Variants in SOX5 observed in about 807,000 individuals in gnomAD.
SOX5 encodes the protein transcription factor SOX-5.
SOX5 carries 9 observed loss-of-function variants against 92.0 expected under a neutral mutation model. The ratio of observed to expected loss-of-function variants is 0.10; its 90% CI spans 0.06 to 0.17. The LOEUF is 0.17. SOX5 is among the 10% of genes least tolerant of loss of function. The pLI is 1.00. For synonymous variants in SOX5, 344 were observed against 336.3 expected (o/e 1.02, Z -0.25); for missense variants, 642 against 944.5 (o/e 0.68, Z 4.20).
At chr12:23,602,396 G>T (rs887910832) in intron 9 of SOX5, among the ~76,000 whole-genome samples, 5 of 152,088 alleles carry the variant, frequency 3.3e-5, no homozygotes, top group African/African-American at 1.2e-4. Context: ...TGTAGCGACT[G>T]CTCAATAAAC....
intron 11 of SOX5, among the ~76,000 whole-genome samples, chr12:23,562,195 G>A (rs1218033347): frequency 2.0e-5 from 3 of 152,066 alleles, no homozygotes; most frequent in African/African-American, 4.8e-5. Context: ...TGTATACTGA[G>A]CTATCCTTTG....
At chr12:24,093,592 T>C (rs1944941707) in intron 4 of SOX5, among the ~76,000 whole-genome samples, 1 of 151,818 alleles carries the variant, frequency 6.6e-6, no homozygotes, top group South Asian at 2.1e-4. Flanking sequence ...AAAAGTTTCA[T>C]CATATCAAAG....
chr12:24,144,111 G>C (rs1950848334), intron 4 of SOX5, among the ~76,000 whole-genome samples: 1 of 151,594 alleles, frequency 6.6e-6, no homozygotes, highest in Non-Finnish European at 1.5e-5. Flanking sequence ...ATTACAAAGA[G>C]ACAAACAGAG....
intron 3 of SOX5, among the ~76,000 whole-genome samples, chr12:23,779,869 A>G (rs1311569034): frequency 6.8e-6 from 1 of 147,772 alleles, no homozygotes; most frequent in East Asian, 2.0e-4. Flanking sequence ...ATATATGTGC[A>G]TACATGACTA....
chr12:23,663,901 C>T lies in SOX5; in HGVS notation c.931+1543G>A, dbSNP rs563670487. 3.3e-4 allele frequency among the ~76,000 whole-genome samples: 50 copies of T among 151,942 alleles called. 1 individual carries two copies. Among genetic ancestry groups the T allele is most frequent in the Admixed American group, 2.3e-3 (35 of 15,240 alleles). On this transcript the variant is annotated intron_variant, in intron 7 of 14. Transcript: ENST00000451604. The stretch of plus-strand genomic sequence containing the variant: ...GATAACCTACAAAGGTAGGACGATG[C>T]GGAAAATAATATTAGATGAATAAAT...
In SOX5 at chr12:24,166,642, C is replaced by T. The variant is rs549394461; in HGVS notation, c.-2+46701G>A. Among the ~76,000 whole-genome samples the T allele has an allele frequency of 6.4e-4, 98 of 152,308 alleles. 2 individuals carry two copies. In the South Asian group the frequency reaches 0.019, roughly 30 times the overall value. Reference sequence around the variant, plus strand: ...TTGATATTTGCCAGTGATTTCAAAACTCAGTCCTATTTTTGCTTATTTTAA... The same window carrying T: ...TTGATATTTGCCAGTGATTTCAAAATTCAGTCCTATTTTTGCTTATTTTAA... On this transcript the variant is annotated intron_variant, in intron 4 of 4. Coordinates refer to the SOX5 transcript ENST00000446891.
intron 9 of SOX5, among the ~76,000 whole-genome samples, chr12:23,581,605 T>C (rs1402007111): frequency 6.6e-6 from 1 of 152,108 alleles, no homozygotes; most frequent in African/African-American, 2.4e-5. Context: ...CCATATCTTA[T>C]TTATCTAATG....
chr12:23,901,918 T>C (rs900114997), intron 1 of SOX5, among the ~76,000 whole-genome samples: 3 of 152,146 alleles, frequency 2.0e-5, no homozygotes, highest in Non-Finnish European at 2.9e-5. Context: ...AATAAGAAAA[T>C]AGAGTTCAAT....
At chr12:24,486,241 A>G (rs1946511265) in intron 1 of SOX5, among the ~76,000 whole-genome samples, 1 of 152,078 alleles carries the variant, frequency 6.6e-6, no homozygotes, top group South Asian at 2.1e-4. Context: ...CTGGCCCCCT[A>G]TGCCTTCAGT....
chr12:24,433,093 TTAAAA>T (rs1209314663), intron 1 of SOX5, among the ~76,000 whole-genome samples: 1 of 152,142 alleles, frequency 6.6e-6, no homozygotes, highest in Non-Finnish European at 1.5e-5. Context: ...GCTTTAAAAA[TTAAAA>T]TAAAAAACAA....
At chr12:23,827,377 T>C (rs1439739901) in intron 3 of SOX5, among the ~76,000 whole-genome samples, 1 of 152,136 alleles carries the variant, frequency 6.6e-6, no homozygotes, top group African/African-American at 2.4e-5. Context: ...AATTGAAAAC[T>C]TTTTCTACAG....
At chr12:24,317,845 A>G (rs1161952130) in intron 2 of SOX5, among the ~76,000 whole-genome samples, 1 of 152,100 alleles carries the variant, frequency 6.6e-6, no homozygotes, top group Non-Finnish European at 1.5e-5. Context: ...TTTTCATTCA[A>G]TATAATCTGA....
chr12:24,108,296 T>C (rs1441689593), intron 4 of SOX5, among the ~76,000 whole-genome samples: 1 of 151,882 alleles, frequency 6.6e-6, no homozygotes, highest in Admixed American at 6.6e-5. Context: ...TGTTTTTTGT[T>C]AATTATAGTT....
intron 3 of SOX5, among the ~76,000 whole-genome samples, chr12:24,272,630 A>G (rs1943907513): frequency 6.6e-6 from 1 of 152,208 alleles, no homozygotes; most frequent in Non-Finnish European, 1.5e-5. Context: ...TGATCATATG[A>G]CTGTTTTAAT....
chr12:24,546,707 T>G (rs1348553571), intron 1 of SOX5, among the ~76,000 whole-genome samples: 2 of 152,208 alleles, frequency 1.3e-5, no homozygotes, highest in African/African-American at 4.8e-5. Context: ...GGTGCTCTGT[T>G]GGCAGAAAAT....
chr12:23,897,146 T>C (rs886781549), intron 1 of SOX5, among the ~76,000 whole-genome samples: 6 of 152,146 alleles, frequency 3.9e-5, no homozygotes, highest in African/African-American at 1.4e-4. Flanking sequence ...ACAAAATCAT[T>C]CATTCTTATT....
intron 11 of SOX5, among the ~76,000 whole-genome samples, chr12:23,561,287 A>T (rs1946152665): frequency 6.6e-6 from 1 of 152,224 alleles, no homozygotes; most frequent in South Asian, 2.1e-4. Flanking sequence ...GAAATAAAGT[A>T]TGACTGTGGA....
At chr12:24,353,352 C>T (rs1954352711) in intron 2 of SOX5, among the ~76,000 whole-genome samples, 1 of 152,092 alleles carries the variant, frequency 6.6e-6, no homozygotes. Flanking sequence ...GGAAGGGCCT[C>T]TTCTCTACTC....
chr12:24,095,118 CACACACACACAGAGAGAGAG>C (rs1240636652), intron 4 of SOX5, among the ~76,000 whole-genome samples: 1 of 82,640 alleles, frequency 1.2e-5, no homozygotes, highest in Non-Finnish European at 2.7e-5. Context: ...CACACACACA[CACACACACACAGAGAGAGAG>C]AGAGAGAGAG....
Sources: gnomAD v4.1 joint callset for allele counts (sites outside exome capture counted in the v4.1 genomes callset) on GRCh38, gnomAD v4.1.1 for gene constraint, MANE v1.5 for transcripts, NCBI Gene and HGNC (gene_info 2026-07-23, HGNC 2026-07-21) for gene names.